Variants in MOK observed in about 807,000 individuals in gnomAD.
MOK encodes the protein MAPK/MAK/MRK overlapping kinase.
In MOK, 59 loss-of-function variants were observed where a neutral mutation model predicts 54.2. The ratio of observed to expected loss-of-function variants is 1.09; its 90% CI spans 0.88 to 1.35. MOK has a LOEUF of 1.35. Among genes scored for constraint, MOK ranks in the 40% most tolerant of loss-of-function variants. The pLI is 0.00. For synonymous variants in MOK, 210 were observed against 202.7 expected, an observed-to-expected ratio of 1.04 and a Z score of -0.31; for missense variants, 517 against 526.2, an observed-to-expected ratio of 0.98 and a Z score of 0.17.
At chr14:102,227,215 TAC>T (rs1015190638), downstream of MOK, among the ~76,000 whole-genome samples, 24 of 152,250 alleles carry the variant, frequency 1.6e-4, no homozygotes, top group African/African-American at 5.5e-4. Context: ...GTTTCCCAAG[TAC>T]ACACTCAATC....
At position 102,273,095 on chromosome 14, in the gene MOK, G is replaced by C. The variant is rs186971265; in HGVS notation, c.123-7183C>G. 4.6e-3 allele frequency among the ~76,000 whole-genome samples: 703 copies of C among 151,992 alleles called. 6 individuals are homozygous for C. The highest frequency in any genetic ancestry group is 0.016 in the African/African-American group (652 of 41,468). On this transcript the variant is annotated intron_variant, in intron 2 of 11. Transcript: ENST00000361847. ...TGAGGCAGGAGAATCACTTGAACCC[G>C]GGAGGTGGAGGTTGCAGTGAGCTGA...
At position 102,229,542 on chromosome 14, in the gene MOK, G is replaced by C. The variant is rs1289402749; in HGVS notation, c.1097C>G (p.Pro366Arg). ...AGATCCAAGCACGGACTGCAGCGTG[G>C]GGCTGGAGTAAGACGACAGTCTGAC... ...GVVRLSSYSS[P>R]TLQSVLGSGT... is the part of the protein sequence containing the mutation. The change falls in exon 11 of 12, where the codon CCC becomes CGC. Residue 366 changes from proline (P) to arginine (R), a missense_variant. Coordinates refer to ENST00000361847, the MANE Select transcript of MOK (RefSeq NM_014226.3). 6 of 1,614,170 alleles carry C rather than the reference G, an allele frequency of 3.7e-6. No individual in the cohort carries two copies. The highest frequency in any genetic ancestry group is 5.1e-6 in the Non-Finnish European group (6 of 1,180,024).
At chr14:102,215,856 C>A in the MOK span, among the ~76,000 whole-genome samples, 7 of 152,304 alleles carry the variant, frequency 4.6e-5, no homozygotes, top group East Asian at 1.4e-3. Context: ...GAAATACCAT[C>A]CCTCACTCTT....
chr14:102,273,127 G>A (rs184781998), intron 2 of MOK, among the ~76,000 whole-genome samples: 23 of 151,854 alleles, frequency 1.5e-4, no homozygotes, highest in Admixed American at 1.1e-3. Context: ...CTGAGATCGC[G>A]CCACTGCACT....
rs1034954068 is a variant in MOK, at chr14:102,231,150, G to A, written c.981+557C>T. The A allele has an allele frequency of 1.3e-5, 2 of 152,534 alleles. No individual in the cohort carries two copies. The highest frequency in any genetic ancestry group is 4.8e-5 in the African/African-American group (2 of 41,466). 9.4% of individuals were successfully genotyped at this position (152,534 alleles called of 1,614,324 possible). A position where few individuals can be genotyped will look rare whatever the true frequency, so the allele number is the denominator to read the frequency against. The stretch of plus-strand genomic sequence containing the variant: ...CAGCAGGTGACACAGGGCTGCACCA[G>A]GCTAGGATGCCACACGGTAGGTGGG... On this transcript the variant is annotated intron_variant, in intron 10 of 11. Coordinates refer to ENST00000361847, the MANE Select transcript of MOK (RefSeq NM_014226.3). The surrounding 1 kb of genome is among the most constrained non-coding windows in gnomAD (Gnocchi z 4.4).
At chr14:102,217,364 C>T in the MOK span, among the ~76,000 whole-genome samples, 6 of 152,316 alleles carry the variant, frequency 3.9e-5, no homozygotes, top group African/African-American at 1.2e-4. Flanking sequence ...CTTAGATGGT[C>T]GTGCCCTTCA....
intron 1 of MOK, among the ~76,000 whole-genome samples, chr14:102,297,300 G>T (rs879381545): frequency 1.3e-5 from 2 of 152,132 alleles, no homozygotes; most frequent in Non-Finnish European, 2.9e-5. Context: ...GGAGCTCACA[G>T]TGAGCCAAGA....
the MOK span, among the ~76,000 whole-genome samples, chr14:102,218,781 G>A: frequency 3.3e-5 from 5 of 152,188 alleles, no homozygotes; most frequent in Non-Finnish European, 7.3e-5. Flanking sequence ...ATGGGACGCC[G>A]TGCAGATTCT....
Position 102,231,791 on chromosome 14 carries a change from G to C in MOK, c.897C>G (p.His299Gln). 1 of 1,612,670 alleles carries C rather than the reference G, an allele frequency of 6.2e-7. No homozygotes were observed. The highest frequency in any genetic ancestry group is 8.5e-7 in the Non-Finnish European group (1 of 1,179,468). The change falls in exon 10 of 12, where the codon CAC (histidine) becomes CAG (glutamine). Residue 299 changes from histidine to glutamine, a missense_variant. Physicochemically the swap from His to Gln is conservative, Grantham distance 24. Transcript: ENST00000361847. The surrounding 1 kb of genome is among the most constrained non-coding windows in gnomAD (Gnocchi z 4.4). ...GGTGCTCCGGAAAGCCAGCTTTTCT[G>C]TGGCTGCCCAGAGCCCGCTTCTCTG... is the stretch of plus-strand genomic sequence containing the variant. ...RKTEKRALGS[H>Q]RKAGFPEHPV...
intron 1 of MOK, among the ~76,000 whole-genome samples, chr14:102,286,970 A>G (rs1365752411): frequency 6.6e-6 from 1 of 151,596 alleles, no homozygotes; most frequent in Non-Finnish European, 1.5e-5. Context: ...CTATACACAC[A>G]CACAGAATTA....
chr14:102,248,501 CG>C (rs1236913739), intron 7 of MOK, among the ~76,000 whole-genome samples: 2 of 151,998 alleles, frequency 1.3e-5, no homozygotes, highest in African/African-American at 4.8e-5. Context: ...CTGGGATGGC[CG>C]GGGCAGTGGC....
At chr14:102,243,400 G>A (rs1308002567) in intron 7 of MOK, among the ~76,000 whole-genome samples, 1 of 152,130 alleles carries the variant, frequency 6.6e-6, no homozygotes, top group Non-Finnish European at 1.5e-5. Flanking sequence ...TTACACAAGA[G>A]CCGGGACCGT....
intron 2 of MOK, among the ~76,000 whole-genome samples, chr14:102,272,216 T>C (rs1029859462): frequency 2.0e-5 from 3 of 152,202 alleles, no homozygotes; most frequent in Non-Finnish European, 4.4e-5. Context: ...AGGCCAAGCA[T>C]GGTAGCTCAC....
chr14:102,235,794 T>G lies in MOK; in HGVS notation c.591-2005A>C, dbSNP rs1000330732. 6.6e-6 allele frequency among the ~76,000 whole-genome samples: 1 copy of G among 152,074 alleles called. No homozygotes were observed. Among genetic ancestry groups the G allele is most frequent in the African/African-American group, 2.4e-5 (1 of 41,400 alleles). ...CTGCCCCCGACATCTGGCGCAAACTTAAAAAGGCTGAAGATGCCCCTCAGA... is the reference window on the plus strand; with the variant it reads ...CTGCCCCCGACATCTGGCGCAAACTGAAAAAGGCTGAAGATGCCCCTCAGA... On this transcript the variant is annotated intron_variant, in intron 7 of 11. Coordinates refer to ENST00000361847, the MANE Select transcript of MOK (RefSeq NM_014226.3). The surrounding 1 kb of genome is among the most constrained non-coding windows in gnomAD (Gnocchi z 4.4).
chr14:102,279,910 A>G (rs970864930), intron 2 of MOK, among the ~76,000 whole-genome samples: 10 of 152,030 alleles, frequency 6.6e-5, no homozygotes, highest in African/African-American at 2.4e-4. Flanking sequence ...GGAAAGGAGC[A>G]GAAGTAATAC....
chr14:102,220,846 GCAC>G (rs371715087), downstream of MOK, among the ~76,000 whole-genome samples: 2 of 151,844 alleles, frequency 1.3e-5, no homozygotes, highest in African/African-American at 4.8e-5. This position sits in a 1 kb window ranked among gnomAD's most constrained non-coding sequence, Gnocchi z 4.2. Context: ...GCGGCTCATT[GCAC>G]CCTGCATCTC....
chr14:102,215,961 C>T, the MOK span, among the ~76,000 whole-genome samples: 1 of 152,226 alleles, frequency 6.6e-6, no homozygotes, highest in South Asian at 2.1e-4. Flanking sequence ...TGGCCTCAGA[C>T]ACAGCCCTTC....
downstream of MOK, among the ~76,000 whole-genome samples, chr14:102,221,920 C>T (rs567357322): frequency 6.0e-4 from 92 of 152,198 alleles, no homozygotes; most frequent in East Asian, 2.3e-3. This position sits in a 1 kb window ranked among gnomAD's most constrained non-coding sequence, Gnocchi z 4.8. Flanking sequence ...GCTGCACTGT[C>T]GCCATCTTAA....
At chr14:102,248,722 G>A (rs1486730635) in intron 7 of MOK, among the ~76,000 whole-genome samples, 2 of 145,628 alleles carry the variant, frequency 1.4e-5, no homozygotes, top group Non-Finnish European at 3.0e-5. Flanking sequence ...AGCTTGCAGT[G>A]AGCCCAGATC....
Sources: allele counts gnomAD v4.1 joint callset (sites outside exome capture counted in the v4.1 genomes callset), GRCh38; gene constraint gnomAD v4.1.1; non-coding constraint Gnocchi (gnomAD v3.1); transcripts MANE v1.5; gene names NCBI Gene and HGNC (gene_info 2026-07-23, HGNC 2026-07-21).